NOP58: variants seen among roughly 807,000 people sequenced by gnomAD.
NOP58 encodes the protein nucleolar protein 58.
A neutral mutation model predicts 71.2 loss-of-function variants in NOP58; 44 were observed. That is an observed-to-expected ratio of 0.62 (90% CI 0.49 to 0.79). NOP58 has a LOEUF of 0.79. NOP58 is among the 30% of genes least tolerant of loss of function. The probability of loss-of-function intolerance (pLI) is 0.00; values close to 1 mark genes in which losing one functional copy is unlikely to be tolerated. For missense variants in NOP58, 538 were observed against 620.2 expected (o/e 0.87, Z 1.41); for synonymous variants, 228 against 200.3 (o/e 1.14, Z -1.17).
At chr2:202,291,723 C>T (rs896742266) in intron 8 of NOP58, among the ~76,000 whole-genome samples, 7 of 139,234 alleles carry the variant, frequency 5.0e-5, no homozygotes, top group Non-Finnish European at 1.1e-4. Flanking sequence ...AGGAGAATCG[C>T]TTGAACCAGG....
At chr2:202,301,209 G>A (rs1399130242) in intron 13 of NOP58, among the ~76,000 whole-genome samples, 1 of 151,642 alleles carries the variant, frequency 6.6e-6, no homozygotes, top group Non-Finnish European at 1.5e-5. Flanking sequence ...CCCCAAGACA[G>A]AATCTTGCTC....
intron 5 of NOP58, among the ~76,000 whole-genome samples, chr2:202,285,010 T>C (rs979883449): frequency 2.0e-5 from 3 of 152,014 alleles, no homozygotes; most frequent in Admixed American, 6.6e-5. Context: ...GCAAGAAATA[T>C]GTCTCTCTCT....
intron 13 of NOP58, among the ~76,000 whole-genome samples, 194 bp from the exon 14 acceptor site, chr2:202,302,727 C>T (rs925096800): frequency 6.6e-6 from 1 of 152,148 alleles, no homozygotes; most frequent in Non-Finnish European, 1.5e-5. Flanking sequence ...GAGAAGATTG[C>T]TCTGAGCTCT....
At chr2:202,283,192 C>G (rs1300442200) in intron 4 of NOP58, among the ~76,000 whole-genome samples, 2 of 152,102 alleles carry the variant, frequency 1.3e-5, no homozygotes, top group East Asian at 1.9e-4. Context: ...GCTGGGACTA[C>G]AGGCACATGC....
chr2:202,297,543 G>T (rs770947194), intron 11 of NOP58, 30 bp downstream of exon 11: 1 of 1,592,216 alleles, frequency 6.3e-7, no homozygotes, highest in South Asian at 1.1e-5. Flanking sequence ...TATTCCAGAA[G>T]TATTACTTGT....
intron 13 of NOP58, among the ~76,000 whole-genome samples, chr2:202,301,507 A>G (rs1284775813): frequency 6.6e-6 from 1 of 152,098 alleles, no homozygotes; most frequent in African/African-American, 2.4e-5. Flanking sequence ...ATATGTGACA[A>G]TTCCAGTTGC....
intron 9 of NOP58, among the ~76,000 whole-genome samples, chr2:202,293,654 TCTGCCTCCCAGGTTCAAGCAATTCTC>T (rs1688942618): frequency 6.6e-6 from 1 of 152,170 alleles, no homozygotes; most frequent in African/African-American, 2.4e-5. Context: ...CACTGCAACC[TCTGCCTCCCAGGTTCAAGCAATTCTC>T]CTGCCTCAGG....
chr2:202,277,548 T>A (rs1174676495), intron 2 of NOP58, among the ~76,000 whole-genome samples: 2 of 152,086 alleles, frequency 1.3e-5, no homozygotes, highest in African/African-American at 2.4e-5. Context: ...CTATTTTTTT[T>A]AATGGCATTT....
At chr2:202,266,372 C>G (rs1261765243) in intron 1 of NOP58, among the ~76,000 whole-genome samples, 1 of 151,500 alleles carries the variant, frequency 6.6e-6, no homozygotes, top group Non-Finnish European at 1.5e-5. Context: ...AATCTTGGCT[C>G]ACTGCAACCT....
intron 1 of NOP58, 74 bp downstream of exon 1, chr2:202,266,060 C>T: frequency 1.3e-6 from 2 of 1,542,674 alleles, no homozygotes; most frequent in Middle Eastern, 3.4e-4. Context: ...GACTTAAGCA[C>T]GGAACTACTC....
intron 5 of NOP58, among the ~76,000 whole-genome samples, chr2:202,287,401 T>A (rs1688809418): frequency 6.6e-6 from 1 of 152,116 alleles, no homozygotes; most frequent in Non-Finnish European, 1.5e-5. Flanking sequence ...TTATCCTATT[T>A]GTCATTCATA....
chr2:202,268,859 C>T (rs1436309530), intron 1 of NOP58, among the ~76,000 whole-genome samples: 1 of 152,114 alleles, frequency 6.6e-6, no homozygotes, highest in Non-Finnish European at 1.5e-5. Flanking sequence ...CTGCCCGCCT[C>T]AGCCTCCCAA....
Position 202,303,400 on chromosome 2 carries a change from GAAGAAA to G in NOP58, c.1563_1568del (p.Lys523_Lys524del), listed in dbSNP as rs1019415093. ...GCTATTTTCAGAGTCCAGAGAAAAA[GAAGAAA>G]AAGAAAAAAAAGAGAGAGAACGAGG... On this transcript the variant is annotated inframe_deletion, in exon 15 of 15. Coordinates refer to ENST00000264279, the MANE Select transcript of NOP58 (RefSeq NM_015934.5). The G allele has an allele frequency of 6.2e-7, 1 of 1,610,096 alleles. No individual in the cohort carries two copies. Among genetic ancestry groups the G allele is most frequent in the African/African-American group, 1.3e-5 (1 of 74,608 alleles).
At chr2:202,300,436 T>A in intron 13 of NOP58, 69 bp downstream of exon 13, 2 of 1,280,320 alleles carry the variant, frequency 1.6e-6, no homozygotes, top group Admixed American at 2.5e-5. Context: ...TTGTGAGTCT[T>A]AAAAGTACAT....
Position 202,295,656 on chromosome 2 carries a change from A to G in NOP58, c.908-18A>G, listed in dbSNP as rs1688976413. On this transcript the variant is annotated intron_variant, in intron 9 of 14. Coordinates refer to ENST00000264279, the MANE Select transcript of NOP58 (RefSeq NM_015934.5). ...ATATATTTGGAGGTGCATTCTTTGT[A>G]ACTTTTTTCTTTTGTAGGTTCTCTT... is the stretch of plus-strand genomic sequence containing the variant. 1.3e-6 allele frequency: 2 copies of G among 1,543,598 alleles called. No homozygotes were observed.
chr2:202,300,440 A>G, intron 13 of NOP58, 73 bp downstream of exon 13: 1 of 1,231,526 alleles, frequency 8.1e-7, no homozygotes, highest in Non-Finnish European at 1.1e-6. Context: ...GAGTCTTAAA[A>G]GTACATGCCA....
At chr2:202,293,408 T>C (rs1688938335) in intron 9 of NOP58, among the ~76,000 whole-genome samples, 2 of 152,226 alleles carry the variant, frequency 1.3e-5, no homozygotes. Context: ...TAAAACTTTG[T>C]ATATGTGTAT....
At chr2:202,293,121 C>T (rs751349046) in intron 9 of NOP58, 2 of 721,006 alleles carry the variant, frequency 2.8e-6, no homozygotes, top group Non-Finnish European at 5.1e-6. Flanking sequence ...TAGTCACTAC[C>T]TCTTCTGAGA....
intron 3 of NOP58, among the ~76,000 whole-genome samples, chr2:202,278,807 T>C (rs1490470483): frequency 2.0e-5 from 3 of 152,166 alleles, no homozygotes; most frequent in African/African-American, 7.2e-5. Context: ...TGCAAAAAAT[T>C]TTGTTAAATA....
Sources: allele counts gnomAD v4.1 joint callset (sites outside exome capture counted in the v4.1 genomes callset), GRCh38; gene constraint gnomAD v4.1.1; transcripts MANE v1.5; gene names NCBI Gene and HGNC (gene_info 2026-07-23, HGNC 2026-07-21).